Variants in RNF180 observed in about 807,000 individuals in gnomAD.
RNF180 encodes the protein E3 ubiquitin-protein ligase RNF180.
In RNF180, 38 loss-of-function variants were observed where a neutral mutation model predicts 59.2. The ratio of observed to expected loss-of-function variants is 0.64; its 90% CI spans 0.50 to 0.84. The LOEUF (loss-of-function observed/expected upper bound fraction) is 0.84. RNF180 is among the 40% of genes least tolerant of loss of function. The pLI is 0.00. For missense variants in RNF180, 705 were observed against 700.9 expected, an observed-to-expected ratio of 1.01 and a Z score of -0.07; for synonymous variants, 262 against 240.3, an observed-to-expected ratio of 1.09 and a Z score of -0.84.
chr5:64,291,250 G>A (rs1286549637), intron 5 of RNF180, among the ~76,000 whole-genome samples: 1 of 151,816 alleles, frequency 6.6e-6, no homozygotes, highest in Admixed American at 6.6e-5. Context: ...CTCCTCTCTG[G>A]CTGCCCTTAA....
chr5:64,206,802 C>CA (rs1392206343), intron 2 of RNF180, among the ~76,000 whole-genome samples: 6 of 152,142 alleles, frequency 3.9e-5, no homozygotes, highest in African/African-American at 1.4e-4. Context: ...CCTGTGAGGA[C>CA]ACAGTGAGTA....
chr5:64,240,965 T>A (rs1374029), intron 5 of RNF180, among the ~76,000 whole-genome samples: 47 of 152,318 alleles, frequency 3.1e-4, no homozygotes, highest in Middle Eastern at 3.4e-3. Flanking sequence ...GGACTATAAA[T>A]CTCACAAGAA....
chr5:64,309,388 T>A (rs181975710), intron 5 of RNF180, among the ~76,000 whole-genome samples: 158 of 151,878 alleles, frequency 1.0e-3, no homozygotes, highest in African/African-American at 3.7e-3. Flanking sequence ...AAAGCCGTGA[T>A]CCCATCAACC....
At chr5:64,363,297 A>T (rs1320075801) in intron 7 of RNF180, among the ~76,000 whole-genome samples, 7 of 151,756 alleles carry the variant, frequency 4.6e-5, no homozygotes, top group Non-Finnish European at 1.0e-4. Context: ...GGTCCACTTC[A>T]GTCTTCTACG....
chr5:64,290,116 A>T (rs1348561108), intron 5 of RNF180, among the ~76,000 whole-genome samples: 1 of 152,048 alleles, frequency 6.6e-6, no homozygotes, highest in Non-Finnish European at 1.5e-5. Context: ...GAACTTTTTG[A>T]TTTCTGCCTT....
At chr5:64,365,871 A>G (rs929025130) in intron 7 of RNF180, among the ~76,000 whole-genome samples, 4 of 151,524 alleles carry the variant, frequency 2.6e-5, no homozygotes, top group Admixed American at 6.6e-5. Flanking sequence ...GTGTCATTGC[A>G]TGTAAGATGA....
At chr5:64,274,673 C>T (rs377011965) in intron 5 of RNF180, among the ~76,000 whole-genome samples, 160 of 152,092 alleles carry the variant, frequency 1.1e-3, no homozygotes, top group African/African-American at 3.7e-3. Flanking sequence ...AGCCACAAAT[C>T]GTGCAGATTT....
intron 1 of RNF180, among the ~76,000 whole-genome samples, chr5:64,182,024 C>T (rs890869384): frequency 7.2e-6 from 1 of 138,290 alleles, no homozygotes; most frequent in Non-Finnish European, 1.5e-5. Context: ...CAGAGTCTCG[C>T]TCTGTCTTCC....
intron 5 of RNF180, among the ~76,000 whole-genome samples, chr5:64,228,915 CTT>C (rs373212886): frequency 0.046 from 4,512 of 98,086 alleles, 49 homozygotes; most frequent in African/African-American, 0.13. Flanking sequence ...TCTATTACTG[CTT>C]TTTTTTTTTT....
intron 5 of RNF180, among the ~76,000 whole-genome samples, chr5:64,221,118 T>G (rs1297409842): frequency 6.6e-6 from 1 of 152,072 alleles, no homozygotes. Context: ...ATCTCTTGAT[T>G]CATCATCTTA....
chr5:64,195,318 A>G (rs1261031964), intron 1 of RNF180, among the ~76,000 whole-genome samples: 1 of 152,218 alleles, frequency 6.6e-6, no homozygotes, highest in Non-Finnish European at 1.5e-5. Flanking sequence ...ATTTACTAAT[A>G]TAGGAAAGTT....
intron 1 of RNF180, among the ~76,000 whole-genome samples, chr5:64,169,544 G>T (rs1270578150): frequency 6.6e-6 from 1 of 152,156 alleles, no homozygotes; most frequent in East Asian, 1.9e-4. Context: ...CAAGAGTTTG[G>T]AATGTGATTC....
In RNF180 at chr5:64,315,207, T is replaced by C. The variant is rs1275979072; in HGVS notation, c.1228-9979T>C. Among the ~76,000 whole-genome samples the C allele has an allele frequency of 2.6e-5, 4 of 152,226 alleles. No homozygotes were observed. In the East Asian group the frequency reaches 7.7e-4, roughly 29 times the overall value. On this transcript the variant is annotated intron_variant, in intron 5 of 7. Transcript: ENST00000389100. ...AACAAAAGTCATTAAGTATTGGGAA[T>C]CTGTAAGCAAAAACAAATTTTACAA...
intron 6 of RNF180, among the ~76,000 whole-genome samples, chr5:64,329,282 C>A (rs922627050): frequency 6.6e-6 from 1 of 152,034 alleles, no homozygotes; most frequent in Non-Finnish European, 1.5e-5. Flanking sequence ...CATTATTCTC[C>A]TTTTTTGTCC....
At chr5:64,319,095 C>T (rs1338818070) in intron 5 of RNF180, among the ~76,000 whole-genome samples, 5 of 151,258 alleles carry the variant, frequency 3.3e-5, no homozygotes, top group African/African-American at 9.7e-5. Flanking sequence ...TGTGTGTGTG[C>T]ATGTGCGTGT....
intron 5 of RNF180, among the ~76,000 whole-genome samples, chr5:64,285,730 A>G (rs1297650459): frequency 6.6e-6 from 1 of 152,160 alleles, no homozygotes; most frequent in Non-Finnish European, 1.5e-5. Context: ...TCTGTCCTAC[A>G]GTCAAGACCT....
intron 7 of RNF180, among the ~76,000 whole-genome samples, chr5:64,343,951 G>C (rs1037257251): frequency 6.6e-6 from 1 of 150,936 alleles, no homozygotes; most frequent in Admixed American, 6.6e-5. Flanking sequence ...CATTTTTTAA[G>C]GATATTTTCC....
chr5:64,341,571 G>C (rs886273175), intron 7 of RNF180, among the ~76,000 whole-genome samples: 1 of 152,160 alleles, frequency 6.6e-6, no homozygotes, highest in Non-Finnish European at 1.5e-5. Flanking sequence ...ACTGTGGTCA[G>C]TCTGGTATAG....
At chr5:64,255,775 A>G (rs1020656490) in intron 5 of RNF180, among the ~76,000 whole-genome samples, 1 of 152,214 alleles carries the variant, frequency 6.6e-6, no homozygotes, top group Non-Finnish European at 1.5e-5. Flanking sequence ...GAATCGCCAC[A>G]CTGTCTTCCA....
Sources: allele counts gnomAD v4.1 joint callset (sites outside exome capture counted in the v4.1 genomes callset), GRCh38; gene constraint gnomAD v4.1.1; transcripts MANE v1.5; gene names NCBI Gene and HGNC (gene_info 2026-07-23, HGNC 2026-07-21).